The following RASGRF1 variants were observed in gnomAD, a reference collection of about 807,000 sequenced individuals.
The protein encoded by RASGRF1 is ras-specific guanine nucleotide-releasing factor 1.
A neutral mutation model predicts 138.7 loss-of-function variants in RASGRF1; 40 were observed. That is an observed-to-expected ratio of 0.29 (90% CI 0.22 to 0.38). The LOEUF is 0.38. RASGRF1 is among the 10% of genes least tolerant of loss of function. The pLI, the probability that RASGRF1 is intolerant of heterozygous loss-of-function variation, is 1.00. For synonymous variants in RASGRF1, 614 were observed against 663.2 expected (o/e 0.93, Z 1.14); for missense variants, 1,108 against 1,650.4 (o/e 0.67, Z 5.69).
intron 2 of RASGRF1, among the ~76,000 whole-genome samples, chr15:79,062,716 G>A (rs1260036993): frequency 6.6e-6 from 1 of 151,870 alleles, no homozygotes; most frequent in East Asian, 1.9e-4. Flanking sequence ...GCTAATTTTT[G>A]TATTTTTAGT....
intron 1 of RASGRF1, among the ~76,000 whole-genome samples, chr15:79,082,242 A>G (rs954129783): frequency 2.6e-5 from 4 of 152,226 alleles, no homozygotes; most frequent in African/African-American, 9.6e-5. Flanking sequence ...GTCCAGGCAC[A>G]CAGTAAGTCT....
At chr15:79,049,650 G>T in intron 3 of RASGRF1, 62 bp from the exon 4 acceptor site, 1 of 1,459,852 alleles carries the variant, frequency 6.9e-7, no homozygotes, top group Non-Finnish European at 9.4e-7. Flanking sequence ...CCAGGTCTTT[G>T]GCCGGTGGGT....
chr15:79,014,023 C>T (rs959295872), intron 13 of RASGRF1, among the ~76,000 whole-genome samples: 2 of 152,048 alleles, frequency 1.3e-5, no homozygotes, highest in Non-Finnish European at 2.9e-5. Context: ...TCCACATGTA[C>T]AAAACAGATG....
At chr15:79,052,775 T>TAG (rs1164218074) in intron 3 of RASGRF1, among the ~76,000 whole-genome samples, 1 of 151,976 alleles carries the variant, frequency 6.6e-6, no homozygotes, top group African/African-American at 2.4e-5. Context: ...ATGGGTGTGA[T>TAG]AGAGTGTTGT....
chr15:79,042,060 C>T (rs1190739323), intron 5 of RASGRF1, among the ~76,000 whole-genome samples: 3 of 152,116 alleles, frequency 2.0e-5, no homozygotes, highest in East Asian at 1.9e-4. Context: ...GGAAATAGCC[C>T]GTCTCTAAGC....
intron 26 of RASGRF1, among the ~76,000 whole-genome samples, chr15:78,971,271 T>A (rs1007343446): frequency 6.6e-6 from 1 of 152,210 alleles, no homozygotes; most frequent in Non-Finnish European, 1.5e-5. Flanking sequence ...AACCTAAATG[T>A]TCATCAATAC....
Position 79,032,763 on chromosome 15 carries a change from C to T in RASGRF1, c.959-447G>A. On this transcript the variant is annotated intron_variant, in intron 6 of 26. Coordinates refer to ENST00000558480, the MANE Select transcript of RASGRF1 (RefSeq NM_001145648.3). The surrounding 1 kb of genome is among the most constrained non-coding windows in gnomAD (Gnocchi z 4.5). The stretch of plus-strand genomic sequence containing the variant: ...AATTCAGGACACCAGTGTGAGGTCA[C>T]CCCTTCTCCAGAGCTTCCTGTGGGG... Among the ~76,000 whole-genome samples, 1 of 152,186 alleles carries T rather than the reference C, an allele frequency of 6.6e-6. No individual in the cohort carries two copies. Among genetic ancestry groups the T allele is most frequent in the Non-Finnish European group, 1.5e-5 (1 of 68,024 alleles).
chr15:79,035,501 G>A (rs951945568), intron 5 of RASGRF1, among the ~76,000 whole-genome samples: 2 of 152,234 alleles, frequency 1.3e-5, no homozygotes, highest in East Asian at 3.8e-4. Context: ...TCCACGGGCC[G>A]GCAGAGGGCA....
At position 79,020,567 on chromosome 15, in the gene RASGRF1, G is replaced by A. The variant is rs575821678; in HGVS notation, c.1543-463C>T. 4.6e-5 allele frequency among the ~76,000 whole-genome samples: 7 copies of A among 152,386 alleles called. No individual in the cohort carries two copies. The South Asian group carries it at 1.4e-3, about 32-fold the overall frequency. On this transcript the variant is annotated intron_variant, in intron 10 of 26. Transcript: ENST00000558480. ...TTTTACAGGTGAAGAAATGAAGACAGAGAAGTTGCATGTCTTGTTCAAGGT... is the reference window on the plus strand; with the variant it reads ...TTTTACAGGTGAAGAAATGAAGACAAAGAAGTTGCATGTCTTGTTCAAGGT...
rs966766804 is a variant in RASGRF1 at position 79,027,725 on chromosome 15, G to A, written c.1381+16C>T. On this transcript the variant is annotated intron_variant, in intron 9 of 26. Coordinates refer to ENST00000558480, the MANE Select transcript of RASGRF1 (RefSeq NM_001145648.3). The surrounding 1 kb of genome is among the most constrained non-coding windows in gnomAD (Gnocchi z 4.8). ...CACCTGGTGGGGGCAGGGGAGACAGGGTGCAGAGGCCATACCTTGTCTCAC... is the reference window on the plus strand; with the variant it reads ...CACCTGGTGGGGGCAGGGGAGACAGAGTGCAGAGGCCATACCTTGTCTCAC... 2 of 1,611,260 alleles carry A rather than the reference G, an allele frequency of 1.2e-6. No individual in the cohort carries two copies. The highest frequency in any genetic ancestry group is 1.7e-6 in the Non-Finnish European group (2 of 1,177,584).
chr15:78,967,114 C>G (rs183849568), intron 26 of RASGRF1, among the ~76,000 whole-genome samples: 25 of 151,326 alleles, frequency 1.7e-4, no homozygotes, highest in Non-Finnish European at 1.8e-4. Flanking sequence ...ATGGGCAGAC[C>G]CTGTCTCTAT....
chr15:78,965,013 C>T (rs889632078), intron 26 of RASGRF1, among the ~76,000 whole-genome samples: 10 of 152,018 alleles, frequency 6.6e-5, no homozygotes, highest in African/African-American at 1.5e-4. Context: ...CCACCGCGCC[C>T]GGCCGTTTTC....
intron 10 of RASGRF1, among the ~76,000 whole-genome samples, chr15:79,023,881 AG>A (rs1339170090): frequency 6.6e-6 from 1 of 152,058 alleles, no homozygotes; most frequent in Non-Finnish European, 1.5e-5. Context: ...CAGCCAGTGG[AG>A]GCCCTCTACC....
chr15:79,070,192 T>C (rs2057736329), intron 1 of RASGRF1, among the ~76,000 whole-genome samples: 1 of 152,228 alleles, frequency 6.6e-6, no homozygotes, highest in African/African-American at 2.4e-5. Flanking sequence ...GTGTGTCCCG[T>C]TGATCTTCTG....
At chr15:79,068,884 C>T (rs879441177) in intron 1 of RASGRF1, among the ~76,000 whole-genome samples, 1 of 152,022 alleles carries the variant, frequency 6.6e-6, no homozygotes, top group Admixed American at 6.5e-5. Flanking sequence ...GCAGGCTGAA[C>T]CCCAGCAGAG....
intron 1 of RASGRF1, among the ~76,000 whole-genome samples, chr15:79,068,252 G>T (rs1455329486): frequency 6.6e-6 from 1 of 152,050 alleles, no homozygotes; most frequent in Admixed American, 6.6e-5. Context: ...TTCTGTTCAC[G>T]CTGTTTGTTC....
At chr15:79,010,028 G>GT (rs1378014746) in intron 13 of RASGRF1, among the ~76,000 whole-genome samples, 9,803 of 143,194 alleles carry the variant, frequency 0.068, 459 homozygotes, top group Middle Eastern at 0.11. Context: ...CAGCCTCTTT[G>GT]TTTGTTTTTT....
At chr15:79,078,031 G>A (rs113744891) in intron 1 of RASGRF1, among the ~76,000 whole-genome samples, 1,703 of 152,166 alleles carry the variant, frequency 0.011, 43 homozygotes, top group African/African-American at 0.039. Flanking sequence ...CCTCCTCCCC[G>A]CCATCATTGA....
intron 1 of RASGRF1, among the ~76,000 whole-genome samples, chr15:79,082,447 G>C (rs537554484): frequency 2.6e-4 from 40 of 152,362 alleles, no homozygotes; most frequent in African/African-American, 8.9e-4. Context: ...ATCATGAGCA[G>C]TGGCCTCCTG....
Sources: allele counts gnomAD v4.1 joint callset (sites outside exome capture counted in the v4.1 genomes callset), GRCh38; gene constraint gnomAD v4.1.1; non-coding constraint Gnocchi (gnomAD v3.1); transcripts MANE v1.5; gene names NCBI Gene and HGNC (gene_info 2026-07-23, HGNC 2026-07-21).